ITSN1: variants seen among roughly 807,000 people sequenced by gnomAD.
ITSN1 encodes intersectin 1.
ITSN1 carries 58 observed loss-of-function variants against 239.8 expected under a neutral mutation model. That is an observed-to-expected ratio of 0.24 (90% CI 0.20 to 0.30). The LOEUF is 0.30. ITSN1 is among the 10% of genes least tolerant of loss of function. The pLI is 1.00. For missense variants in ITSN1, 1,558 were observed against 2,103.3 expected, an observed-to-expected ratio of 0.74 and a Z score of 5.07; for synonymous variants, 780 against 770.8, an observed-to-expected ratio of 1.01 and a Z score of -0.20.
intron 18 of ITSN1, among the ~76,000 whole-genome samples, chr21:33,799,126 G>A (rs1032211310): frequency 6.6e-6 from 1 of 152,168 alleles, no homozygotes; most frequent in East Asian, 1.9e-4. Context: ...TCTGTTACTA[G>A]TTTTTGCTAA....
At chr21:33,700,680 C>G (rs1262969464) in intron 1 of ITSN1, among the ~76,000 whole-genome samples, 5 of 152,082 alleles carry the variant, frequency 3.3e-5, no homozygotes, top group Admixed American at 2.6e-4. Flanking sequence ...TTGGTGGCAT[C>G]TTACACTGAA....
In ITSN1 at chr21:33,689,983, T is replaced by A. The variant is rs867106858; in HGVS notation, c.-32-28814T>A. ...ACTCTGTCTCAAAAAAAAAAAAAAA[T>A]AATTAAAAAAAAAAATAAGGCCGGG... On this transcript the variant is annotated intron_variant, in intron 1 of 39. Transcript: ENST00000381318. Among the ~76,000 whole-genome samples, 1,097 of 137,682 alleles carry A rather than the reference T, an allele frequency of 8.0e-3. 21 individuals are homozygous for A. The highest frequency in any genetic ancestry group is 0.063 in the South Asian group (277 of 4,400). 90.3% of individuals were successfully genotyped at this position (137,682 alleles called of 152,430 possible).
intron 13 of ITSN1, 34 bp from the exon 14 acceptor site, chr21:33,774,933 CA>C (rs775160390): frequency 6.2e-7 from 1 of 1,602,386 alleles, no homozygotes; most frequent in Admixed American, 1.7e-5. Flanking sequence ...CCATTAAAAA[CA>C]GTAATAATTT....
At chr21:33,654,609 G>A (rs1261018334) in intron 1 of ITSN1, among the ~76,000 whole-genome samples, 3 of 152,064 alleles carry the variant, frequency 2.0e-5, no homozygotes, top group Non-Finnish European at 4.4e-5. Context: ...ATTGAACTCG[G>A]GTTGGGCACC....
chr21:33,850,145 C>T (rs1240138141), intron 29 of ITSN1, among the ~76,000 whole-genome samples: 1 of 152,190 alleles, frequency 6.6e-6, no homozygotes, highest in Non-Finnish European at 1.5e-5. Flanking sequence ...AGAATTTGAT[C>T]TTCACCACTT....
intron 1 of ITSN1, among the ~76,000 whole-genome samples, chr21:33,704,817 G>A (rs1433569695): frequency 6.6e-5 from 10 of 151,356 alleles, no homozygotes; most frequent in South Asian, 4.2e-4. Context: ...GGCCGGGCGC[G>A]GTGGCTCACA....
chr21:33,858,242 C>T (rs1019611841), intron 30 of ITSN1, among the ~76,000 whole-genome samples: 2 of 152,254 alleles, frequency 1.3e-5, no homozygotes, highest in African/African-American at 2.4e-5. Flanking sequence ...GAGGAGCTGC[C>T]GCCTGGGCTG....
intron 4 of ITSN1, among the ~76,000 whole-genome samples, chr21:33,734,728 A>G (rs947310572): frequency 6.6e-6 from 1 of 152,230 alleles, no homozygotes; most frequent in Non-Finnish European, 1.5e-5. Context: ...GTTGTGCGAC[A>G]GTCACTATTA....
chr21:33,822,768 G>A (rs1041931158), intron 24 of ITSN1, among the ~76,000 whole-genome samples: 1 of 152,174 alleles, frequency 6.6e-6, no homozygotes, highest in Admixed American at 6.5e-5. Flanking sequence ...TTAACTTGTT[G>A]AAAGGCTTTC....
intron 5 of ITSN1, among the ~76,000 whole-genome samples, chr21:33,741,042 A>G (rs1210709300): frequency 6.6e-6 from 1 of 152,218 alleles, no homozygotes; most frequent in Non-Finnish European, 1.5e-5. Flanking sequence ...ATGATTAAAC[A>G]GTATTTTTAA....
intron 1 of ITSN1, among the ~76,000 whole-genome samples, chr21:33,706,490 A>C (rs1470045851): frequency 3.3e-5 from 5 of 152,306 alleles, no homozygotes; most frequent in Admixed American, 6.5e-5. Flanking sequence ...AAAAAAAAAA[A>C]AACACTGGAT....
chr21:33,652,559 A>G (rs551219915), intron 1 of ITSN1, among the ~76,000 whole-genome samples: 5 of 152,172 alleles, frequency 3.3e-5, no homozygotes, highest in Admixed American at 3.3e-4. Context: ...AGATAGGTAA[A>G]ATTCTTGGAC....
chr21:33,675,406 A>G (rs988968553), intron 1 of ITSN1, among the ~76,000 whole-genome samples: 2 of 152,090 alleles, frequency 1.3e-5, no homozygotes, highest in Non-Finnish European at 2.9e-5. Flanking sequence ...TATTAAAAAA[A>G]AATACAAAAA....
chr21:33,854,061 CAGTG>C (rs1416962413), intron 29 of ITSN1, among the ~76,000 whole-genome samples: 1 of 152,258 alleles, frequency 6.6e-6, no homozygotes, highest in African/African-American at 2.4e-5. Flanking sequence ...AATATTTGCC[CAGTG>C]AATGAATAAG....
intron 31 of ITSN1, among the ~76,000 whole-genome samples, chr21:33,863,608 A>G (rs1448200575): frequency 6.6e-6 from 1 of 152,266 alleles, no homozygotes; most frequent in Non-Finnish European, 1.5e-5. Context: ...AGCCTGGGCT[A>G]CAGAGTGAGA....
At chr21:33,834,769 C>A (rs931739489) in intron 28 of ITSN1, among the ~76,000 whole-genome samples, 1 of 152,000 alleles carries the variant, frequency 6.6e-6, no homozygotes, top group Non-Finnish European at 1.5e-5. Context: ...GAAAGGGACA[C>A]CCAAAAATAA....
chr21:33,732,166 T>A (rs564873943), intron 4 of ITSN1, among the ~76,000 whole-genome samples: 1 of 152,284 alleles, frequency 6.6e-6, no homozygotes, highest in East Asian at 1.9e-4. Context: ...AGAACAAAGT[T>A]TTGTCATGCG....
At chr21:33,877,031 T>C (rs1447247731) in intron 34 of ITSN1, among the ~76,000 whole-genome samples, 3 of 147,702 alleles carry the variant, frequency 2.0e-5, no homozygotes, top group African/African-American at 7.4e-5. Flanking sequence ...GTGAACTAAA[T>C]GTTCCTTAGA....
rs376960221 is a variant in ITSN1 at position 33,734,898 on chromosome 21, AT to A, written c.186-145del. On this transcript the variant is annotated intron_variant, in intron 4 of 39. Coordinates refer to ENST00000381318, the MANE Select transcript of ITSN1 (RefSeq NM_003024.3). ...GGCCAGTATTTACAGGCTATTCCCC[AT>A]AGTTTGGTAAACAGTTATGTTTTCT... 845 of 557,008 alleles carry A rather than the reference AT, an allele frequency of 1.5e-3. 9 individuals are homozygous for A. Among genetic ancestry groups the A allele is most frequent in the African/African-American group, 0.015 (775 of 52,054 alleles). 34.5% of individuals were successfully genotyped at this position (557,008 alleles called of 1,614,324 possible).
Sources: gnomAD v4.1 joint callset for allele counts (sites outside exome capture counted in the v4.1 genomes callset) on GRCh38, gnomAD v4.1.1 for gene constraint, MANE v1.5 for transcripts, NCBI Gene and HGNC (gene_info 2026-07-23, HGNC 2026-07-21) for gene names.